Variants in MCPH1 observed in about 807,000 individuals in gnomAD.
MCPH1 encodes microcephalin 1, also known as microcephalin.
In MCPH1, 104 loss-of-function variants were observed where a neutral mutation model predicts 84.5. The observed-to-expected ratio is 1.23, with a 90% confidence interval of 1.05 to 1.45. MCPH1 has a LOEUF of 1.45. Among genes scored for constraint, MCPH1 ranks in the 40% most tolerant of loss-of-function variants. MCPH1 has a pLI of 0.00. For synonymous variants in MCPH1, 514 were observed against 366.8 expected (o/e 1.40, Z -4.58); for missense variants, 1,498 against 1,005.7 (o/e 1.49, Z -6.62).
At chr8:6,525,964 G>C (rs1246660447) in intron 12 of MCPH1, among the ~76,000 whole-genome samples, 4 of 152,212 alleles carry the variant, frequency 2.6e-5, no homozygotes, top group Admixed American at 1.3e-4. Flanking sequence ...CCCAAGTGGG[G>C]AAACAGTATT....
intron 8 of MCPH1, among the ~76,000 whole-genome samples, chr8:6,449,899 T>A (rs1170360736): frequency 2.0e-5 from 3 of 152,182 alleles, no homozygotes; most frequent in Non-Finnish European, 4.4e-5. Flanking sequence ...AGCCGACTGG[T>A]CATCCTGAAC....
chr8:6,630,519 C>T (rs2448609), intron 13 of MCPH1, among the ~76,000 whole-genome samples: 14 of 152,254 alleles, frequency 9.2e-5, no homozygotes, highest in Admixed American at 8.5e-4. Flanking sequence ...CAGTGGCTCA[C>T]GCCTGTAATC....
intron 9 of MCPH1, among the ~76,000 whole-genome samples, chr8:6,462,108 C>T (rs1229970243): frequency 6.6e-6 from 1 of 152,106 alleles, no homozygotes. Context: ...TTTCCTAAGC[C>T]TGGAGGCCTG....
chr8:6,627,105 C>G (rs1286601616), intron 13 of MCPH1: 1 of 984,876 alleles, frequency 1.0e-6, no homozygotes, highest in African/African-American at 1.8e-5. Flanking sequence ...CAGGCCTTCT[C>G]ATGCTGGCCT....
chr8:6,557,630 G>A (rs1310566257), intron 12 of MCPH1, among the ~76,000 whole-genome samples: 1 of 150,942 alleles, frequency 6.6e-6, no homozygotes, highest in African/African-American at 2.4e-5. Flanking sequence ...AATCTTACAG[G>A]GCCATCCTAT....
At chr8:6,433,274 A>G (rs1017074299) in intron 4 of MCPH1, among the ~76,000 whole-genome samples, 8 of 152,206 alleles carry the variant, frequency 5.3e-5, no homozygotes, top group African/African-American at 1.9e-4. Flanking sequence ...ATCTAGAGAT[A>G]AAATTACTGG....
intron 12 of MCPH1, among the ~76,000 whole-genome samples, chr8:6,585,445 C>T (rs1166097294): frequency 3.3e-5 from 5 of 152,256 alleles, no homozygotes; most frequent in African/African-American, 7.2e-5. Flanking sequence ...CCCGGGAACG[C>T]CGGCTTTTCC....
intron 13 of MCPH1, among the ~76,000 whole-genome samples, chr8:6,639,665 TA>T (rs202053630): frequency 0.013 from 1,797 of 137,050 alleles, 12 homozygotes; most frequent in African/African-American, 0.03. Flanking sequence ...CCTGTCTCTT[TA>T]AAAAAAAAAA....
chr8:6,497,254 G>A (rs1811339421), intron 11 of MCPH1, among the ~76,000 whole-genome samples: 1 of 151,776 alleles, frequency 6.6e-6, no homozygotes, highest in East Asian at 1.9e-4. Context: ...GCCGAAGCAG[G>A]TGGATCACTT....
intron 12 of MCPH1, among the ~76,000 whole-genome samples, chr8:6,598,526 T>TG (rs1829100409): frequency 6.6e-6 from 1 of 151,708 alleles, no homozygotes; most frequent in Non-Finnish European, 1.5e-5. Context: ...GAGGAAGGAG[T>TG]GGGCTGGGAG....
chr8:6,532,404 C>T lies in MCPH1; in HGVS notation c.2214+32475C>T, dbSNP rs1414912303. On this transcript the variant is annotated intron_variant, in intron 12 of 13. Coordinates refer to ENST00000344683, the MANE Select transcript of MCPH1 (RefSeq NM_024596.5). ...TCAACAGGTTTGTCCCTATTTCTAT[C>T]ATCACAGCCGTCTGGTTCTGTACTG... The T allele has an allele frequency of 3.1e-6, 5 of 1,613,996 alleles. No homozygotes were observed. The African/African-American group carries it at 6.7e-5, about 22-fold the overall frequency.
chr8:6,624,249 T>C (rs947536579), intron 13 of MCPH1, among the ~76,000 whole-genome samples: 3 of 152,378 alleles, frequency 2.0e-5, no homozygotes, highest in East Asian at 1.9e-4. Flanking sequence ...AGCCTCTTTT[T>C]CTTTCCTCCT....
chr8:6,564,140 C>G (rs776145409), intron 12 of MCPH1, among the ~76,000 whole-genome samples: 1 of 152,094 alleles, frequency 6.6e-6, no homozygotes, highest in Non-Finnish European at 1.5e-5. Context: ...CGCCACCACA[C>G]CCGGCTAATT....
At chr8:6,433,630 C>CAAAAAA (rs60661127) in intron 4 of MCPH1, among the ~76,000 whole-genome samples, 77 of 40,874 alleles carry the variant, frequency 1.9e-3, no homozygotes, top group Non-Finnish European at 2.8e-3. Flanking sequence ...GGCTCTGTCT[C>CAAAAAA]AAAAAAAAAA....
chr8:6,621,111 A>C (rs2129580667), intron 12 of MCPH1: 1 of 367,240 alleles, frequency 2.7e-6, no homozygotes, highest in East Asian at 7.0e-5. Context: ...CACGTCACCA[A>C]GTTACTTTAG....
intron 12 of MCPH1, among the ~76,000 whole-genome samples, chr8:6,540,938 C>T (rs958068877): frequency 6.6e-6 from 1 of 152,256 alleles, no homozygotes; most frequent in African/African-American, 2.4e-5. Flanking sequence ...AGAACATCCA[C>T]CTGGGGCAAG....
intron 12 of MCPH1, among the ~76,000 whole-genome samples, chr8:6,548,818 C>G (rs1823067814): frequency 6.6e-6 from 1 of 152,192 alleles, no homozygotes; most frequent in Non-Finnish European, 1.5e-5. Flanking sequence ...CCAGAGTGAG[C>G]AGCAGATAGG....
intron 2 of MCPH1, among the ~76,000 whole-genome samples, chr8:6,412,571 A>T (rs372426148): frequency 3.9e-5 from 6 of 152,144 alleles, no homozygotes; most frequent in Admixed American, 2.0e-4. Flanking sequence ...CTTCTGATTC[A>T]CCCTTAATCT....
intron 11 of MCPH1, among the ~76,000 whole-genome samples, chr8:6,488,622 G>C (rs1314791309): frequency 6.6e-6 from 1 of 152,150 alleles, no homozygotes. Context: ...GGGTCCTAAG[G>C]CTGCACCTTT....
Sources: gnomAD v4.1 joint callset for allele counts (sites outside exome capture counted in the v4.1 genomes callset) on GRCh38, gnomAD v4.1.1 for gene constraint, MANE v1.5 for transcripts, NCBI Gene and HGNC (gene_info 2026-07-23, HGNC 2026-07-21) for gene names.